H2AC12: variants seen among roughly 807,000 people sequenced by gnomAD.
H2AC12 encodes the protein histone H2A type 1-H.
Under a neutral mutation model 5.8 loss-of-function variants are expected in H2AC12, and 9 were observed. The observed-to-expected ratio is 1.56, with a 90% CI of 0.94 to 2.71. The LOEUF is 2.71. Ranked by LOEUF, H2AC12 falls within the 30% of genes most tolerant of loss-of-function variation. The probability of loss-of-function intolerance (pLI) is 0.00; values close to 1 mark genes in which losing one functional copy is unlikely to be tolerated. For missense variants in H2AC12, 232 were observed against 173.1 expected (o/e 1.34, Z -1.91); for synonymous variants, 158 against 78.1 (o/e 2.02, Z -5.39).
Position 27,147,230 on chromosome 6 carries a change from G to C in H2AC12, c.102G>C (p.Leu34=). The C allele has an allele frequency of 6.2e-7, 1 of 1,614,186 alleles. No individual in the cohort carries two copies. Among genetic ancestry groups the C allele is most frequent in the Non-Finnish European group, 8.5e-7 (1 of 1,180,040 alleles). The change falls in exon 1 of 1, where the codon CTG becomes CTC. Residue 34 remains leucine, a synonymous_variant. Coordinates refer to ENST00000377459, the MANE Select transcript of H2AC12 (RefSeq NM_080596.3). ...LQFPVGRVHR[L]LRKGNYAERV... ...TCCCCGTGGGCCGAGTGCACCGCCT[G>C]CTCCGCAAGGGTAATTATGCCGAGC...
chr6:27,147,252 G>T lies in H2AC12; in HGVS notation c.124G>T (p.Glu42Ter). Residue 42 changes from glutamate (E) to a stop codon, truncating the protein, a stop_gained, in exon 1 of 1, where the codon GAG becomes TAG. Transcript: ENST00000377459. LOFTEE classifies it high-confidence loss of function. The part of the protein sequence containing the change: ...HRLLRKGNYA[E>*]RVGAGAPVYL... ...CCTGCTCCGCAAGGGTAATTATGCC[G>T]AGCGGGTTGGAGCCGGCGCGCCAGT... is the stretch of plus-strand genomic sequence containing the variant. 2 of 1,614,128 alleles carry T rather than the reference G, an allele frequency of 1.2e-6. No individual in the cohort carries two copies. The highest frequency in any genetic ancestry group is 1.7e-6 in the Non-Finnish European group (2 of 1,180,026).
rs146351262 is a variant in H2AC12, at chr6:27,147,219, G to A, written c.91G>A (p.Val31Met). Residue 31 changes from valine (V) to methionine (M), a missense_variant, in exon 1 of 1, where the codon GTG (valine) becomes ATG (methionine). By Grantham distance (21) the Val-to-Met change is conservative. Transcript: ENST00000377459. ...TGGGCTTCAGTTCCCCGTGGGCCGAGTGCACCGCCTGCTCCGCAAGGGTAA... is the reference window on the plus strand; with the variant it reads ...TGGGCTTCAGTTCCCCGTGGGCCGAATGCACCGCCTGCTCCGCAAGGGTAA... ...RAGLQFPVGR[V>M]HRLLRKGNYA... 33 of 1,614,074 alleles carry A rather than the reference G, an allele frequency of 2.0e-5. No individual in the cohort carries two copies. In the African/African-American group the frequency reaches 3.7e-4, roughly 18 times the overall value.
At position 27,147,196 on chromosome 6, in the gene H2AC12, G is replaced by C; in HGVS notation, c.68G>C (p.Gly23Ala). ...AKAKTRSSRA[G>A]LQFPVGRVHR... ...GCCAAGACCCGCTCTTCTCGGGCTGGGCTTCAGTTCCCCGTGGGCCGAGTG... is the reference window on the plus strand; with the variant it reads ...GCCAAGACCCGCTCTTCTCGGGCTGCGCTTCAGTTCCCCGTGGGCCGAGTG... The change falls in exon 1 of 1, where the codon GGG becomes GCG. Residue 23 changes from glycine to alanine, a missense_variant. Transcript: ENST00000377459. 6.2e-7 allele frequency: 1 copy of C among 1,614,156 alleles called. No individual in the cohort carries two copies. The highest frequency in any genetic ancestry group is 8.5e-7 in the Non-Finnish European group (1 of 1,180,012).
At position 27,147,113 on chromosome 6, in the gene H2AC12, G is replaced by C. The variant is rs184502933; in HGVS notation, c.-16G>C. 5.7e-6 allele frequency: 9 copies of C among 1,583,280 alleles called. No homozygotes were observed. In the East Asian group the frequency reaches 1.3e-4, roughly 24 times the overall value. On this transcript the variant is annotated 5_prime_UTR_variant, in exon 1 of 1. Coordinates refer to ENST00000377459, the MANE Select transcript of H2AC12 (RefSeq NM_080596.3). The stretch of plus-strand genomic sequence containing the variant: ...TGCCTTTCCTCGTTGGCTACTTTCA[G>C]TAAGTTGTGACCAGTATGTCTGGAC...
chr6:27,147,128 T>A lies in H2AC12; in HGVS notation c.-1T>A, dbSNP rs200477889. ...GCTACTTTCAGTAAGTTGTGACCAGTATGTCTGGACGTGGCAAGCAAGGCG... is the reference window on the plus strand; with the variant it reads ...GCTACTTTCAGTAAGTTGTGACCAGAATGTCTGGACGTGGCAAGCAAGGCG... On this transcript the variant is annotated 5_prime_UTR_variant, in exon 1 of 1. Transcript: ENST00000377459. 1 of 1,607,268 alleles carries A rather than the reference T, an allele frequency of 6.2e-7. No individual in the cohort carries two copies. Among genetic ancestry groups the A allele is most frequent in the Admixed American group, 1.7e-5 (1 of 58,968 alleles).
chr6:27,147,152 C>T lies in H2AC12; in HGVS notation c.24C>T (p.Gly8=), dbSNP rs556239865. The change falls in exon 1 of 1, where the codon GGC becomes GGT. Residue 8 remains glycine, a synonymous_variant. Transcript: ENST00000377459. MSGRGKQ[G]GKARAKAKTR... The stretch of plus-strand genomic sequence containing the variant: ...GTATGTCTGGACGTGGCAAGCAAGG[C>T]GGTAAAGCTCGCGCCAAGGCCAAGA... 1.9e-4 allele frequency: 301 copies of T among 1,612,484 alleles called. 1 individual carries two copies. Among genetic ancestry groups the T allele is most frequent in the South Asian group, 9.6e-4 (87 of 90,900 alleles).
rs1760127381 is a variant in H2AC12, at chr6:27,147,550, CTT to C, written c.*38_*39del. On this transcript the variant is annotated 3_prime_UTR_variant, in exon 1 of 1. Transcript: ENST00000377459. ...TTGTGAAAACTGGAAAACAAAGGCTCTTTTCAGAGCCATTCTACACTGTCTTA... is the reference window on the plus strand; with the variant it reads ...TTGTGAAAACTGGAAAACAAAGGCTCTTCAGAGCCATTCTACACTGTCTTA... 1.2e-6 allele frequency: 2 copies of C among 1,608,226 alleles called. No individual in the cohort carries two copies. The highest frequency in any genetic ancestry group is 8.5e-7 in the Non-Finnish European group (1 of 1,176,492).
Position 27,147,404 on chromosome 6 carries a change from G to C in H2AC12, c.276G>C (p.Glu92Asp). The part of the protein sequence containing the change: ...RHLQLAIRND[E>D]ELNKLLGKVT... The stretch of plus-strand genomic sequence containing the variant: ...TCCAACTGGCCATCCGCAACGACGA[G>C]GAGCTCAACAAGCTGCTGGGCAAAG... The change falls in exon 1 of 1, where the codon GAG becomes GAC. Residue 92 changes from glutamate (E) to aspartate (D), a missense_variant. Glu to Asp is a conservative substitution (Grantham distance 45, BLOSUM62 2). Transcript: ENST00000377459. 6.2e-7 allele frequency: 1 copy of C among 1,614,210 alleles called. No homozygotes were observed.
At position 27,147,138 on chromosome 6, in the gene H2AC12, C is replaced by T. The variant is rs752645163; in HGVS notation, c.10C>T (p.Arg4Cys). Residue 4 changes from arginine to cysteine, a missense_variant, in exon 1 of 1, where the codon CGT becomes TGT. Coordinates refer to ENST00000377459, the MANE Select transcript of H2AC12 (RefSeq NM_080596.3). MSG[R>C]GKQGGKARAK... ...GTAAGTTGTGACCAGTATGTCTGGA[C>T]GTGGCAAGCAAGGCGGTAAAGCTCG... 8.1e-6 allele frequency: 13 copies of T among 1,610,814 alleles called. No homozygotes were observed. The highest frequency in any genetic ancestry group is 3.3e-5 in the Admixed American group (2 of 59,756).
In H2AC12 at chr6:27,147,161, T is replaced by C. The variant is rs1581436993; in HGVS notation, c.33T>C (p.Ala11=). 6.2e-7 allele frequency: 1 copy of C among 1,613,222 alleles called. No homozygotes were observed. Among genetic ancestry groups the C allele is most frequent in the African/African-American group, 1.3e-5 (1 of 75,020 alleles). The change falls in exon 1 of 1, where the codon GCT becomes GCC. Residue 11 remains alanine, a synonymous_variant. Transcript: ENST00000377459. MSGRGKQGGK[A]RAKAKTRSSR... is the part of the protein sequence containing the mutation. ...GACGTGGCAAGCAAGGCGGTAAAGCTCGCGCCAAGGCCAAGACCCGCTCTT... is the reference window on the plus strand; with the variant it reads ...GACGTGGCAAGCAAGGCGGTAAAGCCCGCGCCAAGGCCAAGACCCGCTCTT...
At position 27,147,323 on chromosome 6, in the gene H2AC12, G is replaced by A. The variant is rs1376043988; in HGVS notation, c.195G>A (p.Glu65=). 1.7e-5 allele frequency: 27 copies of A among 1,614,032 alleles called. No individual in the cohort carries two copies. The highest frequency in any genetic ancestry group is 2.2e-5 in the South Asian group (2 of 91,092). The change falls in exon 1 of 1, where the codon GAG becomes GAA. Residue 65 remains glutamate, a synonymous_variant. Transcript: ENST00000377459. ...AGTACCTGACCGCTGAGATCCTGGA[G>A]CTGGCTGGCAATGCGGCCCGCGACA... ...VLEYLTAEIL[E]LAGNAARDNK... is the part of the protein sequence containing the mutation.
Position 27,147,193 on chromosome 6 carries a change from C to T in H2AC12, c.65C>T (p.Ala22Val), listed in dbSNP as rs775165169. The T allele has an allele frequency of 4.5e-5, 72 of 1,614,016 alleles. No homozygotes were observed. Among genetic ancestry groups the T allele is most frequent in the Non-Finnish European group, 5.8e-5 (68 of 1,180,000 alleles). The part of the protein sequence containing the change: ...RAKAKTRSSR[A>V]GLQFPVGRVH... ...AAGGCCAAGACCCGCTCTTCTCGGGCTGGGCTTCAGTTCCCCGTGGGCCGA... is the reference window on the plus strand; with the variant it reads ...AAGGCCAAGACCCGCTCTTCTCGGGTTGGGCTTCAGTTCCCCGTGGGCCGA... Residue 22 changes from alanine to valine, a missense_variant, in exon 1 of 1, where the codon GCT (alanine) becomes GTT (valine). By Grantham distance (64) the Ala-to-Val change is moderately conservative (BLOSUM62 0). Coordinates refer to ENST00000377459, the MANE Select transcript of H2AC12 (RefSeq NM_080596.3).
chr6:27,147,487 A>G lies in H2AC12; in HGVS notation c.359A>G (p.Lys120Arg), dbSNP rs766542523. 30 of 1,614,102 alleles carry G rather than the reference A, an allele frequency of 1.9e-5. No homozygotes were observed. The highest frequency in any genetic ancestry group is 2.5e-5 in the Non-Finnish European group (29 of 1,180,036). ...ATCCAGGCCGTGCTGCTGCCTAAGA[A>G]GACTGAGAGCCACCATAAGGCCAAA... ...PNIQAVLLPK[K>R]TESHHKAK The change falls in exon 1 of 1, where the codon AAG becomes AGG. Residue 120 changes from lysine (K) to arginine (R), a missense_variant. Coordinates refer to ENST00000377459, the MANE Select transcript of H2AC12 (RefSeq NM_080596.3).
Position 27,147,293 on chromosome 6 carries a change from G to GC in H2AC12, c.166dup (p.Leu56ProfsTer7). On this transcript the variant is annotated frameshift_variant, in exon 1 of 1. Transcript: ENST00000377459. LOFTEE classifies it high-confidence loss of function. ...GCGCGCCAGTGTACCTGGCTGCGGT[G>GC]CTGGAGTACCTGACCGCTGAGATCC... The GC allele has an allele frequency of 6.2e-7, 1 of 1,614,178 alleles. No homozygotes were observed. The highest frequency in any genetic ancestry group is 1.1e-5 in the South Asian group (1 of 91,082).
rs1306243792 is a variant in H2AC12, at chr6:27,147,337, C to T, written c.209C>T (p.Ala70Val). ...TAEILELAGN[A>V]ARDNKKTRII... ...GAGATCCTGGAGCTGGCTGGCAATG[C>T]GGCCCGCGACAACAAGAAGACCCGT... Residue 70 changes from alanine (A) to valine (V), a missense_variant, in exon 1 of 1, where the codon GCG becomes GTG. By Grantham distance (64) the Ala-to-Val change is moderately conservative. Coordinates refer to ENST00000377459, the MANE Select transcript of H2AC12 (RefSeq NM_080596.3). 2.5e-6 allele frequency: 4 copies of T among 1,614,058 alleles called. No individual in the cohort carries two copies. The highest frequency in any genetic ancestry group is 3.4e-6 in the Non-Finnish European group (4 of 1,180,042).
At position 27,147,419 on chromosome 6, in the gene H2AC12, G is replaced by T; in HGVS notation, c.291G>T (p.Leu97=). Reference sequence around the variant, plus strand: ...GCAACGACGAGGAGCTCAACAAGCTGCTGGGCAAAGTCACCATCGCGCAGG... The same window carrying T: ...GCAACGACGAGGAGCTCAACAAGCTTCTGGGCAAAGTCACCATCGCGCAGG... The part of the protein sequence containing the change: ...AIRNDEELNK[L]LGKVTIAQGG... The change falls in exon 1 of 1, where the codon CTG becomes CTT. Residue 97 remains leucine, a synonymous_variant. Coordinates refer to ENST00000377459, the MANE Select transcript of H2AC12 (RefSeq NM_080596.3). The T allele has an allele frequency of 6.2e-7, 1 of 1,614,240 alleles. No individual in the cohort carries two copies. Among genetic ancestry groups the T allele is most frequent in the Non-Finnish European group, 8.5e-7 (1 of 1,180,038 alleles).
At position 27,147,537 on chromosome 6, in the gene H2AC12, GA is replaced by G. The variant is rs752718634; in HGVS notation, c.*26del. ...ATAAGGAGCGAGGTTGTGAAAACTG[GA>G]AAACAAAGGCTCTTTTCAGAGCCAT... On this transcript the variant is annotated 3_prime_UTR_variant, in exon 1 of 1. Coordinates refer to ENST00000377459, the MANE Select transcript of H2AC12 (RefSeq NM_080596.3). The G allele has an allele frequency of 6.2e-7, 1 of 1,612,038 alleles. No individual in the cohort carries two copies. Among genetic ancestry groups the G allele is most frequent in the Non-Finnish European group, 8.5e-7 (1 of 1,178,860 alleles).
At position 27,147,528 on chromosome 6, in the gene H2AC12, T is replaced by G. The variant is rs200233366; in HGVS notation, c.*13T>G. 596 of 1,612,888 alleles carry G rather than the reference T, an allele frequency of 3.7e-4. No individual in the cohort carries two copies. Among genetic ancestry groups the G allele is most frequent in the Middle Eastern group, 6.6e-4 (4 of 6,056 alleles). ...TAAGGCCAAATAAGGAGCGAGGTTGTGAAAACTGGAAAACAAAGGCTCTTT... is the reference window on the plus strand; with the variant it reads ...TAAGGCCAAATAAGGAGCGAGGTTGGGAAAACTGGAAAACAAAGGCTCTTT... On this transcript the variant is annotated 3_prime_UTR_variant, in exon 1 of 1. Transcript: ENST00000377459.
chr6:27,147,159 G>T lies in H2AC12; in HGVS notation c.31G>T (p.Ala11Ser). The change falls in exon 1 of 1, where the codon GCT becomes TCT. Residue 11 changes from alanine to serine, a missense_variant. Physicochemically the swap from Ala to Ser is moderately conservative, Grantham distance 99. Transcript: ENST00000377459. ...TGGACGTGGCAAGCAAGGCGGTAAA[G>T]CTCGCGCCAAGGCCAAGACCCGCTC... is the stretch of plus-strand genomic sequence containing the variant. Reference protein sequence around the residue: MSGRGKQGGKARAKAKTRSSR... With the variant: MSGRGKQGGKSRAKAKTRSSR... 6.2e-7 allele frequency: 1 copy of T among 1,613,114 alleles called. No individual in the cohort carries two copies. The highest frequency in any genetic ancestry group is 1.1e-5 in the South Asian group (1 of 91,010).
Sources: gnomAD v4.1 joint callset for allele counts on GRCh38, gnomAD v4.1.1 for gene constraint, MANE v1.5 for transcripts, NCBI Gene and HGNC (gene_info 2026-07-23, HGNC 2026-07-21) for gene names.